PHTF2: variants seen among roughly 807,000 people sequenced by gnomAD.
The protein encoded by PHTF2 is putative homeodomain transcription factor 2.
In PHTF2, 60 loss-of-function variants were observed where a neutral mutation model predicts 101.2. The observed-to-expected ratio is 0.59, with a 90% CI of 0.48 to 0.73. PHTF2 has a LOEUF of 0.73. PHTF2 is among the 30% of genes least tolerant of loss of function. The probability of loss-of-function intolerance (pLI) is 0.00; values close to 1 mark genes in which losing one functional copy is unlikely to be tolerated. For missense variants in PHTF2, 747 were observed against 908.7 expected (o/e 0.82, Z 2.29); for synonymous variants, 311 against 307.3 (o/e 1.01, Z -0.13).
At chr7:77,830,560 A>T (rs1318394660) in intron 1 of PHTF2, among the ~76,000 whole-genome samples, 1 of 152,176 alleles carries the variant, frequency 6.6e-6, no homozygotes, top group African/African-American at 2.4e-5. Context: ...TCAGCTGTGT[A>T]TGTGAGAGAT....
chr7:77,876,805 C>T (rs191484121), intron 3 of PHTF2, among the ~76,000 whole-genome samples: 2 of 152,276 alleles, frequency 1.3e-5, no homozygotes, highest in African/African-American at 4.8e-5. Context: ...ACGCAGGAGG[C>T]TGAGATGGGA....
chr7:77,873,311 C>G (rs1181414291), intron 3 of PHTF2, among the ~76,000 whole-genome samples: 2 of 152,160 alleles, frequency 1.3e-5, no homozygotes, highest in Non-Finnish European at 2.9e-5. Flanking sequence ...TCAGCTTGAT[C>G]CAACTCTGTG....
At chr7:77,932,825 C>T (rs970972574) in intron 12 of PHTF2, among the ~76,000 whole-genome samples, 1 of 151,960 alleles carries the variant, frequency 6.6e-6, no homozygotes, top group Non-Finnish European at 1.5e-5. Context: ...TTTACTTATG[C>T]CACACACTGT....
At chr7:77,911,880 A>C (rs1027045221) in intron 9 of PHTF2, among the ~76,000 whole-genome samples, 1 of 152,230 alleles carries the variant, frequency 6.6e-6, no homozygotes, top group African/African-American at 2.4e-5. Flanking sequence ...GCACATAACT[A>C]ACTTGGATGT....
intron 12 of PHTF2, among the ~76,000 whole-genome samples, chr7:77,935,367 C>CACCA (rs1252355463): frequency 6.6e-6 from 1 of 151,970 alleles, no homozygotes; most frequent in Non-Finnish European, 1.5e-5. Context: ...GGACTACAGG[C>CACCA]ACCAGCCACC....
chr7:77,928,944 C>G (rs1157443486), intron 11 of PHTF2, among the ~76,000 whole-genome samples, 165 bp from the exon 11 acceptor site: 1 of 152,166 alleles, frequency 6.6e-6, no homozygotes, highest in East Asian at 1.9e-4. Context: ...TATTTTGTTA[C>G]TGAATAAAAG....
chr7:77,842,668 A>G (rs1479338929), intron 2 of PHTF2, among the ~76,000 whole-genome samples: 4 of 152,224 alleles, frequency 2.6e-5, no homozygotes, highest in African/African-American at 9.6e-5. Flanking sequence ...TTCTGAAACC[A>G]AAGTTCTCCC....
intron 9 of PHTF2, among the ~76,000 whole-genome samples, chr7:77,915,507 G>A (rs1012953214): frequency 6.6e-6 from 1 of 152,052 alleles, no homozygotes; most frequent in Non-Finnish European, 1.5e-5. Flanking sequence ...CACCATGCCC[G>A]GCTTGTTTTC....
intron 2 of PHTF2, among the ~76,000 whole-genome samples, chr7:77,844,097 A>G (rs1251499097): frequency 6.6e-6 from 1 of 152,200 alleles, no homozygotes; most frequent in Non-Finnish European, 1.5e-5. Context: ...TCCTGGGCTC[A>G]AACGATCCTC....
intron 9 of PHTF2, among the ~76,000 whole-genome samples, chr7:77,910,623 A>G (rs1802298835): frequency 6.6e-6 from 1 of 152,208 alleles, no homozygotes; most frequent in African/African-American, 2.4e-5. Context: ...GAATGAATAT[A>G]TCAAAGCATA....
intron 9 of PHTF2, among the ~76,000 whole-genome samples, chr7:77,913,347 C>T (rs1206832857): frequency 1.2e-4 from 18 of 147,398 alleles, no homozygotes; most frequent in Non-Finnish European, 2.4e-4. Context: ...AAGATTGTGC[C>T]ACTGCATTCC....
At chr7:77,932,611 AGAGAGAGAGAGTGT>A (rs1248044181) in intron 12 of PHTF2, among the ~76,000 whole-genome samples, 69 of 105,126 alleles carry the variant, frequency 6.6e-4, no homozygotes, top group African/African-American at 2.6e-3. Flanking sequence ...AAAGAGAGAG[AGAGAGAGAGAGTGT>A]GTGTGTGTGT....
intron 16 of PHTF2, among the ~76,000 whole-genome samples, chr7:77,947,665 A>T (rs573194283): frequency 6.6e-6 from 1 of 152,186 alleles, no homozygotes; most frequent in African/African-American, 2.4e-5. Context: ...GAATTGTTGG[A>T]ATCCCTTGTA....
In PHTF2 at chr7:77,932,615, AGAGAGAGTGTGT is replaced by A. The variant is rs1425822030; in HGVS notation, c.1338+3290_1338+3301del. Among the ~76,000 whole-genome samples, 13 of 114,514 alleles carry A rather than the reference AGAGAGAGTGTGT, an allele frequency of 1.1e-4. No homozygotes were observed. The East Asian group carries it at 2.1e-3, about 19-fold the overall frequency. The allele number at this position is 114,514 out of a possible 152,430, so 75.1% of individuals were successfully genotyped here. A position where few individuals can be genotyped will look rare whatever the true frequency, so the allele number is the denominator to read the frequency against. On this transcript the variant is annotated intron_variant, in intron 12 of 19. Transcript: ENST00000416283. Reference sequence around the variant, plus strand: ...GAGAGAGAGAGAAAGAGAGAGAGAGAGAGAGAGTGTGTGTGTGTGTGTGTGTGTGTGTGTGTG... The same window carrying A: ...GAGAGAGAGAGAAAGAGAGAGAGAGAGTGTGTGTGTGTGTGTGTGTGTGTG...
chr7:77,885,633 T>C (rs530874731), intron 3 of PHTF2, among the ~76,000 whole-genome samples: 2 of 152,000 alleles, frequency 1.3e-5, no homozygotes, highest in East Asian at 1.9e-4. Flanking sequence ...TTAGTAGAGA[T>C]AGGGTTTCAC....
At chr7:77,849,780 G>T (rs1315582023) in intron 2 of PHTF2, among the ~76,000 whole-genome samples, 3 of 152,146 alleles carry the variant, frequency 2.0e-5, no homozygotes, top group African/African-American at 4.8e-5. Context: ...TTGTAAATGG[G>T]ATTACTTTCT....
chr7:77,807,187 A>C (rs73374181), intron 1 of PHTF2, among the ~76,000 whole-genome samples: 17,547 of 152,190 alleles, frequency 0.12, 1,525 homozygotes, highest in African/African-American at 0.24. Flanking sequence ...TAGTGCTGCT[A>C]TGAATATGAG....
intron 3 of PHTF2, among the ~76,000 whole-genome samples, chr7:77,860,339 A>T (rs1411944385): frequency 6.6e-6 from 1 of 152,228 alleles, no homozygotes; most frequent in African/African-American, 2.4e-5. Context: ...CAGGCTACCG[A>T]AAAGCCATTC....
intron 7 of PHTF2, among the ~76,000 whole-genome samples, chr7:77,903,664 C>A (rs1462456519): frequency 6.6e-6 from 1 of 152,212 alleles, no homozygotes; most frequent in Non-Finnish European, 1.5e-5. Flanking sequence ...GAACACTAAA[C>A]ATTCTCCTAG....
Sources: gnomAD v4.1 joint callset for allele counts (sites outside exome capture counted in the v4.1 genomes callset) on GRCh38, gnomAD v4.1.1 for gene constraint, MANE v1.5 for transcripts, NCBI Gene and HGNC (gene_info 2026-07-23, HGNC 2026-07-21) for gene names.